GFRAL: variants seen among roughly 807,000 people sequenced by gnomAD.
GFRAL encodes GDNF family receptor alpha-like.
Under a neutral mutation model 45.4 loss-of-function variants are expected in GFRAL, and 36 were observed. That is an observed-to-expected ratio of 0.79 (90% CI 0.61 to 1.05). The LOEUF (loss-of-function observed/expected upper bound fraction) is 1.05, where lower values mean the gene tolerates loss of function less well. Among genes scored for constraint, GFRAL ranks in the 50% least tolerant of loss-of-function variants. The pLI is 0.00. For missense variants in GFRAL, 507 were observed against 467.5 expected, an observed-to-expected ratio of 1.08 and a Z score of -0.78; for synonymous variants, 166 against 154.1, an observed-to-expected ratio of 1.08 and a Z score of -0.57.
At chr6:55,376,666 T>C (rs1331150754) in intron 6 of GFRAL, among the ~76,000 whole-genome samples, 1 of 152,118 alleles carries the variant, frequency 6.6e-6, no homozygotes, top group Non-Finnish European at 1.5e-5. Context: ...TGTTTGTTTG[T>C]ATTTCTCTGG....
At chr6:55,382,384 T>G (rs1768622357) in intron 6 of GFRAL, among the ~76,000 whole-genome samples, 1 of 151,968 alleles carries the variant, frequency 6.6e-6, no homozygotes, top group South Asian at 2.1e-4. Context: ...AAAATTACTT[T>G]AAATACCATC....
At chr6:55,374,979 T>C (rs1581754397) in intron 6 of GFRAL, among the ~76,000 whole-genome samples, 1 of 152,174 alleles carries the variant, frequency 6.6e-6, no homozygotes, top group East Asian at 1.9e-4. Context: ...TCTGTGTATC[T>C]ATGTGTATGT....
intron 3 of GFRAL, among the ~76,000 whole-genome samples, chr6:55,345,708 C>T (rs1218286019): frequency 6.6e-6 from 1 of 152,112 alleles, no homozygotes; most frequent in African/African-American, 2.4e-5. Flanking sequence ...TCTAATTAAA[C>T]TAAAGAGCTT....
At chr6:55,367,709 T>C (rs1025820350) in intron 6 of GFRAL, among the ~76,000 whole-genome samples, 15 of 150,004 alleles carry the variant, frequency 1.0e-4, no homozygotes, top group Non-Finnish European at 1.9e-4. Flanking sequence ...GAAGCTTAGT[T>C]TGGCTGGATA....
chr6:55,344,844 C>T (rs547349009), intron 3 of GFRAL, among the ~76,000 whole-genome samples: 1 of 152,288 alleles, frequency 6.6e-6, no homozygotes, highest in East Asian at 1.9e-4. Flanking sequence ...TCAGCAAAGT[C>T]TCAGGATACA....
intron 6 of GFRAL, among the ~76,000 whole-genome samples, chr6:55,376,249 A>G (rs1003544962): frequency 2.0e-5 from 3 of 152,074 alleles, no homozygotes; most frequent in Non-Finnish European, 4.4e-5. Flanking sequence ...GTGCTGCTGG[A>G]TTCGGTTTGC....
chr6:55,400,179 A>G (rs1768877845), intron 8 of GFRAL, among the ~76,000 whole-genome samples: 1 of 152,136 alleles, frequency 6.6e-6, no homozygotes, highest in South Asian at 2.1e-4. Flanking sequence ...TTAAACATCA[A>G]TCATGTTCAT....
intron 6 of GFRAL, among the ~76,000 whole-genome samples, chr6:55,378,394 G>A (rs1768562762): frequency 1.3e-5 from 2 of 151,984 alleles, no homozygotes; most frequent in African/African-American, 4.8e-5. Context: ...TAAGATCTTG[G>A]TATAGGTATC....
At chr6:55,354,084 G>C (rs982330924) in intron 5 of GFRAL, among the ~76,000 whole-genome samples, 1 of 151,982 alleles carries the variant, frequency 6.6e-6, no homozygotes, top group South Asian at 2.1e-4. Flanking sequence ...CAGGGCTTTC[G>C]ATATGCTATC....
At chr6:55,370,181 ATATT>A (rs1768432581) in intron 6 of GFRAL, among the ~76,000 whole-genome samples, 2 of 152,022 alleles carry the variant, frequency 1.3e-5, no homozygotes, top group African/African-American at 4.8e-5. Flanking sequence ...AAAAATAATT[ATATT>A]TATCATTCAG....
intron 6 of GFRAL, among the ~76,000 whole-genome samples, chr6:55,367,256 A>T (rs1250229325): frequency 2.1e-4 from 28 of 130,394 alleles, no homozygotes; most frequent in Non-Finnish European, 4.2e-4. Context: ...AGAGACTAGG[A>T]TTGCAACCCC....
intron 5 of GFRAL, among the ~76,000 whole-genome samples, chr6:55,351,853 G>T (rs73436859): frequency 0.02 from 3,095 of 152,074 alleles, 112 homozygotes; most frequent in African/African-American, 0.07. Flanking sequence ...ATGTATTCAA[G>T]TTAGACTAAT....
intron 3 of GFRAL, among the ~76,000 whole-genome samples, chr6:55,347,719 G>C (rs1257641634): frequency 6.6e-6 from 1 of 152,240 alleles, no homozygotes; most frequent in Non-Finnish European, 1.5e-5. Context: ...ACTAGCAAGA[G>C]CTACAGGGAA....
intron 3 of GFRAL, among the ~76,000 whole-genome samples, chr6:55,341,582 G>T (rs143245414): frequency 0.013 from 1,987 of 152,266 alleles, 23 homozygotes; most frequent in Non-Finnish European, 0.022. Context: ...AAAAAACAGA[G>T]CAGAAAAGCT....
At chr6:55,339,086 A>C (rs899176347) in intron 3 of GFRAL, among the ~76,000 whole-genome samples, 1 of 152,200 alleles carries the variant, frequency 6.6e-6, no homozygotes, top group East Asian at 1.9e-4. Flanking sequence ...GAGAATTATA[A>C]TAAAATATAT....
At position 55,401,876 on chromosome 6, in the gene GFRAL, T is replaced by C. The variant is rs1227532548; in HGVS notation, c.*23T>C. ...TGATTCATTAGGAGTCATGGACCTA[T>C]AACAATCACTCTTTTCTCTGCTTTT... On this transcript the variant is annotated 3_prime_UTR_variant, in exon 9 of 9. Coordinates refer to ENST00000340465, the MANE Select transcript of GFRAL (RefSeq NM_207410.2). 6.4e-6 allele frequency: 8 copies of C among 1,250,160 alleles called. No individual in the cohort carries two copies. The East Asian group carries it at 1.2e-4, about 18-fold the overall frequency. 77.4% of individuals were successfully genotyped at this position (1,250,160 alleles called of 1,614,324 possible).
Position 55,350,165 on chromosome 6 carries a change from AT to A in GFRAL, c.370+24del. The A allele has an allele frequency of 7.0e-7, 1 of 1,434,672 alleles. No homozygotes were observed. The highest frequency in any genetic ancestry group is 9.8e-7 in the Non-Finnish European group (1 of 1,019,364). 88.9% of individuals were successfully genotyped at this position (1,434,672 alleles called of 1,614,324 possible). A position where few individuals can be genotyped will look rare whatever the true frequency, so the allele number is the denominator to read the frequency against. Reference sequence around the variant, plus strand: ...ATCATGGTAATGTTTTTAAGTTATTATTTTGATCTGCATTGCAAATACCTGA... The same window carrying A: ...ATCATGGTAATGTTTTTAAGTTATTATTTGATCTGCATTGCAAATACCTGA... On this transcript the variant is annotated intron_variant, in intron 4 of 8. Coordinates refer to ENST00000340465, the MANE Select transcript of GFRAL (RefSeq NM_207410.2).
At chr6:55,348,115 G>C (rs1040847620) in intron 3 of GFRAL, among the ~76,000 whole-genome samples, 2 of 151,902 alleles carry the variant, frequency 1.3e-5, no homozygotes, top group Non-Finnish European at 2.9e-5. Context: ...GAACTGTATA[G>C]GATTTTATAA....
At chr6:55,344,318 C>G (rs886362475) in intron 3 of GFRAL, among the ~76,000 whole-genome samples, 2 of 152,174 alleles carry the variant, frequency 1.3e-5, no homozygotes, top group Admixed American at 1.3e-4. Flanking sequence ...AATCCAGCAG[C>G]ACATCAAAAA....
Sources: gnomAD v4.1 joint callset for allele counts (sites outside exome capture counted in the v4.1 genomes callset) on GRCh38, gnomAD v4.1.1 for gene constraint, MANE v1.5 for transcripts, NCBI Gene and HGNC (gene_info 2026-07-23, HGNC 2026-07-21) for gene names.